Variants in MACROD2 observed in about 807,000 individuals in gnomAD.
MACROD2 encodes the protein mono-ADP ribosylhydrolase 2, also known as ADP-ribose glycohydrolase MACROD2.
Under a neutral mutation model 70.4 loss-of-function variants are expected in MACROD2, and 36 were observed. That is an observed-to-expected ratio of 0.51 (90% CI 0.39 to 0.68). The LOEUF (loss-of-function observed/expected upper bound fraction) is 0.68, where lower values mean the gene tolerates loss of function less well. MACROD2 is among the 30% of genes least tolerant of loss of function. The pLI is 0.00. For missense variants in MACROD2, 496 were observed against 538.4 expected (o/e 0.92, Z 0.78); for synonymous variants, 172 against 178.8 (o/e 0.96, Z 0.30).
At chr20:15,119,663 T>TA (rs1199327966) in intron 5 of MACROD2, among the ~76,000 whole-genome samples, 6 of 152,232 alleles carry the variant, frequency 3.9e-5, no homozygotes, top group Non-Finnish European at 8.8e-5. Context: ...ACCACACATA[T>TA]ATAGCAGTTT....
intron 4 of MACROD2, among the ~76,000 whole-genome samples, chr20:14,551,886 G>A (rs1978673156): frequency 6.6e-6 from 1 of 152,044 alleles, no homozygotes; most frequent in Non-Finnish European, 1.5e-5. Context: ...TTCTTTTGAT[G>A]ACTGTATGTG....
chr20:15,291,672 T>A (rs2146107880), intron 6 of MACROD2, among the ~76,000 whole-genome samples: 1 of 152,274 alleles, frequency 6.6e-6, no homozygotes, highest in Non-Finnish European at 1.5e-5. Context: ...AATGAAGTAT[T>A]ATTATTAGTT....
chr20:15,661,923 A>T (rs1181868995), intron 8 of MACROD2, among the ~76,000 whole-genome samples: 1 of 152,190 alleles, frequency 6.6e-6, no homozygotes, highest in African/African-American at 2.4e-5. Flanking sequence ...TTGCATTATT[A>T]AGCCCTTTAC....
chr20:14,601,205 G>T lies in MACROD2; in HGVS notation c.302-83638G>T, dbSNP rs138000020. ...GTGGTCCCCAACCTTCTGGCACCCG[G>T]GACCGGTTTTGTGGAAGACAATTTT... On this transcript the variant is annotated intron_variant, in intron 4 of 17. Transcript: ENST00000684519. Among the ~76,000 whole-genome samples the T allele has an allele frequency of 5.1e-3, 780 of 152,234 alleles. 9 individuals are homozygous for T. Among genetic ancestry groups the T allele is most frequent in the African/African-American group, 0.018 (730 of 41,528 alleles).
At chr20:14,173,219 CCTCAAAT>C (rs2081237852) in intron 3 of MACROD2, among the ~76,000 whole-genome samples, 1 of 152,142 alleles carries the variant, frequency 6.6e-6, no homozygotes, top group African/African-American at 2.4e-5. Context: ...TCGATTATCC[CCTCAAAT>C]ATGTTTTCCA....
At chr20:15,637,661 G>A (rs778797262) in intron 8 of MACROD2, among the ~76,000 whole-genome samples, 6 of 152,326 alleles carry the variant, frequency 3.9e-5, no homozygotes, top group Admixed American at 1.3e-4. Context: ...AAGGGAGACC[G>A]TGAGCCCAGG....
At chr20:14,190,428 G>A (rs544308401) in intron 3 of MACROD2, among the ~76,000 whole-genome samples, 1 of 151,872 alleles carries the variant, frequency 6.6e-6, no homozygotes, top group South Asian at 2.1e-4. Context: ...TGTAGGTATA[G>A]CTAACTTTTG....
chr20:14,528,077 A>C (rs917221313), intron 4 of MACROD2, among the ~76,000 whole-genome samples: 13 of 152,022 alleles, frequency 8.6e-5, no homozygotes, highest in African/African-American at 3.1e-4. Flanking sequence ...AATATAAGAT[A>C]AAATCTGACC....
intron 2 of MACROD2, among the ~76,000 whole-genome samples, chr20:14,021,120 G>C (rs2053072661): frequency 6.6e-6 from 1 of 151,216 alleles, no homozygotes; most frequent in Admixed American, 6.6e-5. Flanking sequence ...CTCCCGAGTA[G>C]CTGGGACTAC....
intron 8 of MACROD2, among the ~76,000 whole-genome samples, chr20:15,631,779 GTCCAGC>G (rs985469375): frequency 2.6e-5 from 4 of 152,138 alleles, no homozygotes; most frequent in African/African-American, 9.7e-5. Flanking sequence ...AAACACTGAT[GTCCAGC>G]TCTTACCTGC....
chr20:15,689,325 T>C (rs1245223747), intron 8 of MACROD2, among the ~76,000 whole-genome samples: 2 of 150,956 alleles, frequency 1.3e-5, no homozygotes, highest in Non-Finnish European at 2.9e-5. Context: ...AAAGATAGAT[T>C]GGGCCCTGCT....
Position 14,649,246 on chromosome 20 carries a change from G to A in MACROD2, c.302-35597G>A, listed in dbSNP as rs1985552069. On this transcript the variant is annotated intron_variant, in intron 4 of 17. Coordinates refer to ENST00000684519, the MANE Select transcript of MACROD2 (RefSeq NM_001351661.2). Reference sequence around the variant, plus strand: ...TCAGTTAGTTCTACCATGAAGTATGGACTGTCTGGTAAGAGGAAAGAGTTT... The same window carrying A: ...TCAGTTAGTTCTACCATGAAGTATGAACTGTCTGGTAAGAGGAAAGAGTTT... Among the ~76,000 whole-genome samples, 2 of 152,178 alleles carry A rather than the reference G, an allele frequency of 1.3e-5. 1 individual carries two copies. The highest frequency in any genetic ancestry group is 1.3e-4 in the Admixed American group (2 of 15,268).
At chr20:14,141,489 T>C (rs1377320985) in intron 3 of MACROD2, among the ~76,000 whole-genome samples, 1 of 152,186 alleles carries the variant, frequency 6.6e-6, no homozygotes, top group African/African-American at 2.4e-5. Flanking sequence ...CTCATGCCTG[T>C]AATCCCAGCA....
chr20:14,797,133 G>T (rs1020822401), intron 5 of MACROD2, among the ~76,000 whole-genome samples: 1 of 151,946 alleles, frequency 6.6e-6, no homozygotes, highest in Non-Finnish European at 1.5e-5. Context: ...CTCCTTCTCT[G>T]TATTCATTGA....
At chr20:14,164,755 G>T (rs1183154353) in intron 3 of MACROD2, among the ~76,000 whole-genome samples, 6 of 152,062 alleles carry the variant, frequency 3.9e-5, no homozygotes, top group Non-Finnish European at 8.8e-5. Context: ...TAGATGGCAC[G>T]CTTACTTACT....
intron 6 of MACROD2, among the ~76,000 whole-genome samples, chr20:15,270,634 C>G (rs920833080): frequency 6.6e-6 from 1 of 151,998 alleles, no homozygotes; most frequent in African/African-American, 2.4e-5. Context: ...AAAAAAATAC[C>G]TTTTGGGCAA....
chr20:15,081,738 C>T (rs1036102496), intron 5 of MACROD2, among the ~76,000 whole-genome samples: 1 of 152,112 alleles, frequency 6.6e-6, no homozygotes, highest in Non-Finnish European at 1.5e-5. Flanking sequence ...CATGGACCTT[C>T]CTGCTATTTT....
At chr20:15,526,799 G>A (rs1409021056) in intron 8 of MACROD2, among the ~76,000 whole-genome samples, 2 of 152,180 alleles carry the variant, frequency 1.3e-5, no homozygotes, top group Admixed American at 6.5e-5. Context: ...GGCATTAAAA[G>A]AGGATGCCCT....
chr20:15,005,825 A>G (rs1219096096), intron 5 of MACROD2, among the ~76,000 whole-genome samples: 1 of 152,150 alleles, frequency 6.6e-6, no homozygotes, highest in East Asian at 1.9e-4. Context: ...TTGTGGAACC[A>G]GTTTGAGCTT....
Sources: gnomAD v4.1 joint callset for allele counts (sites outside exome capture counted in the v4.1 genomes callset) on GRCh38, gnomAD v4.1.1 for gene constraint, MANE v1.5 for transcripts, NCBI Gene and HGNC (gene_info 2026-07-23, HGNC 2026-07-21) for gene names.